The following CPEB2 variants were observed in gnomAD, a reference collection of about 807,000 sequenced individuals.
CPEB2 encodes the protein cytoplasmic polyadenylation element binding protein 2, also known as cytoplasmic polyadenylation element-binding protein 2.
A neutral mutation model predicts 93.6 loss-of-function variants in CPEB2; 56 were observed. That is an observed-to-expected ratio of 0.60 (90% CI 0.48 to 0.75). The LOEUF (loss-of-function observed/expected upper bound fraction) is 0.75. Among genes scored for constraint, CPEB2 ranks in the 30% least tolerant of loss-of-function variants. CPEB2 has a pLI of 0.00. For synonymous variants in CPEB2, 764 were observed against 586.3 expected (o/e 1.30, Z -4.38); for missense variants, 1,579 against 1,395.1 (o/e 1.13, Z -2.10).
rs757980816 is a variant in CPEB2, at chr4:15,003,057, C to A, written c.384C>A (p.Ile128=). Residue 128 remains isoleucine, a synonymous_variant, in exon 1 of 12, where the codon ATC becomes ATA. Transcript: ENST00000538197. Reference sequence around the variant, plus strand: ...ACCACCACCCCGGCGGCGGCACGATCGCGGGTGTGACCCACCTCCTCCCCT... The same window carrying A: ...ACCACCACCCCGGCGGCGGCACGATAGCGGGTGTGACCCACCTCCTCCCCT... ...LPDHHPGGGT[I]AGVTHLLPSQ... is the part of the protein sequence containing the mutation. The A allele has an allele frequency of 1.2e-4, 182 of 1,520,056 alleles. No individual in the cohort carries two copies. In the African/African-American group the frequency reaches 1.6e-3, roughly 13 times the overall value. 94.2% of individuals were successfully genotyped at this position (1,520,056 alleles called of 1,614,324 possible).
At chr4:15,041,407 T>C (rs1267336946) in intron 6 of CPEB2, among the ~76,000 whole-genome samples, 5 of 113,084 alleles carry the variant, frequency 4.4e-5, no homozygotes, top group Non-Finnish European at 8.3e-5. Context: ...TTTGATCACT[T>C]TTTTTTTTTT....
At chr4:15,042,594 G>A (rs1727294789) in intron 6 of CPEB2, among the ~76,000 whole-genome samples, 1 of 152,178 alleles carries the variant, frequency 6.6e-6, no homozygotes, top group South Asian at 2.1e-4. Flanking sequence ...TATGGCCTTA[G>A]TAAATTATGA....
intron 5 of CPEB2, among the ~76,000 whole-genome samples, chr4:15,037,028 C>T (rs990205191): frequency 1.3e-5 from 2 of 151,962 alleles, no homozygotes; most frequent in African/African-American, 2.4e-5. Context: ...AGGGCCCGGG[C>T]GCAATGGCTC....
chr4:15,003,416 A>C lies in CPEB2; in HGVS notation c.743A>C (p.Asp248Ala). The change falls in exon 1 of 12, where the codon GAC becomes GCC. Residue 248 changes from aspartate (D) to alanine (A), a missense_variant. Coordinates refer to ENST00000538197, the MANE Select transcript of CPEB2 (RefSeq NM_001177382.2). Reference sequence around the variant, plus strand: ...CATCAGCAGCACCTCTCGCCGCAGGACTTCGCCCCGCGGCAGCGTCCGGCA... The same window carrying C: ...CATCAGCAGCACCTCTCGCCGCAGGCCTTCGCCCCGCGGCAGCGTCCGGCA... ...LLHQQHLSPQ[D>A]FAPRQRPADL... 1 of 1,358,638 alleles carries C rather than the reference A, an allele frequency of 7.4e-7. No homozygotes were observed. Among genetic ancestry groups the C allele is most frequent in the Non-Finnish European group, 9.4e-7 (1 of 1,066,164 alleles). 84.2% of individuals were successfully genotyped at this position (1,358,638 alleles called of 1,614,324 possible). A position where few individuals can be genotyped will look rare whatever the true frequency, so the allele number is the denominator to read the frequency against.
Position 15,019,954 on chromosome 4 carries a change from TAGC to T in CPEB2, c.2125+2679_2125+2681del, listed in dbSNP as rs1311548292. ...TTCTGGCTAAGGATATCTCATGAAGTAGCAGTCAACATACTGGCTGAGGCTGCA... is the reference window on the plus strand; with the variant it reads ...TTCTGGCTAAGGATATCTCATGAAGTAGTCAACATACTGGCTGAGGCTGCA... On this transcript the variant is annotated intron_variant, in intron 4 of 11. Coordinates refer to ENST00000538197, the MANE Select transcript of CPEB2 (RefSeq NM_001177382.2). Among the ~76,000 whole-genome samples the T allele has an allele frequency of 1.1e-4, 16 of 152,162 alleles. No homozygotes were observed. In the East Asian group the frequency reaches 3.1e-3, roughly 29 times the overall value.
chr4:15,042,550 G>T (rs1158716332), intron 6 of CPEB2, among the ~76,000 whole-genome samples: 1 of 152,156 alleles, frequency 6.6e-6, no homozygotes, highest in African/African-American at 2.4e-5. Flanking sequence ...TTAGCATAAG[G>T]GGGAGTGAAT....
intron 4 of CPEB2, among the ~76,000 whole-genome samples, chr4:15,024,886 C>T (rs1221756081): frequency 2.0e-5 from 3 of 151,790 alleles, no homozygotes; most frequent in African/African-American, 7.3e-5. Context: ...GCTGGGATTA[C>T]AGGTGTCCAC....
chr4:15,068,481 T>C lies in CPEB2; in HGVS notation c.*2101T>C, dbSNP rs1729867770. ...ACTATTTTTATATCTCTGTGAGAGATTTTTCCAACAGTCAGCTATTTTATG... is the reference window on the plus strand; with the variant it reads ...ACTATTTTTATATCTCTGTGAGAGACTTTTCCAACAGTCAGCTATTTTATG... On this transcript the variant is annotated 3_prime_UTR_variant, in exon 12 of 12. Transcript: ENST00000538197. 1 of 152,270 alleles carries C rather than the reference T, an allele frequency of 6.6e-6. No individual in the cohort carries two copies. The highest frequency in any genetic ancestry group is 1.9e-4 in the East Asian group (1 of 5,174). The allele number at this position is 152,270 out of a possible 1,614,324, so 9.4% of individuals were successfully genotyped here.
At chr4:15,009,950 A>T (rs1446750385) in intron 3 of CPEB2, among the ~76,000 whole-genome samples, 4 of 152,136 alleles carry the variant, frequency 2.6e-5, no homozygotes, top group Admixed American at 2.0e-4. Flanking sequence ...ATAACCTAAG[A>T]TTTTAGGGAA....
chr4:15,047,357 G>A (rs1192026435), intron 6 of CPEB2, among the ~76,000 whole-genome samples: 1 of 152,116 alleles, frequency 6.6e-6, no homozygotes, highest in African/African-American at 2.4e-5. Flanking sequence ...CTGTAGATTG[G>A]ATAATTTGGA....
At chr4:15,054,341 C>A (rs1728521166) in intron 8 of CPEB2, 124 bp downstream of exon 8, 1 of 701,876 alleles carries the variant, frequency 1.4e-6, no homozygotes, top group East Asian at 2.7e-5. Flanking sequence ...ATTTCATAGA[C>A]TCAGATCAAC....
chr4:15,005,263 TAAGAC>T (rs1314980839), intron 1 of CPEB2: 1 of 152,288 alleles, frequency 6.6e-6, no homozygotes, highest in African/African-American at 2.4e-5. Flanking sequence ...TTGTGGGTTT[TAAGAC>T]AAAACTGAAC....
At chr4:15,029,424 A>C (rs920254101) in intron 4 of CPEB2, among the ~76,000 whole-genome samples, 1 of 152,124 alleles carries the variant, frequency 6.6e-6, no homozygotes, top group African/African-American at 2.4e-5. Flanking sequence ...ACTGATACCC[A>C]AAAATACATA....
At chr4:15,012,295 C>G (rs936072531) in intron 3 of CPEB2, among the ~76,000 whole-genome samples, 8 of 152,100 alleles carry the variant, frequency 5.3e-5, no homozygotes, top group African/African-American at 1.9e-4. Context: ...TTCCACTTGT[C>G]TATTTTAATT....
At chr4:15,044,590 A>G (rs914308053) in intron 6 of CPEB2, among the ~76,000 whole-genome samples, 9 of 152,220 alleles carry the variant, frequency 5.9e-5, no homozygotes, top group African/African-American at 1.9e-4. Context: ...AACCTATTGG[A>G]GCAAAACATT....
At chr4:15,061,187 G>C (rs905024451) in intron 10 of CPEB2, among the ~76,000 whole-genome samples, 4 of 152,118 alleles carry the variant, frequency 2.6e-5, no homozygotes, top group African/African-American at 7.2e-5. Context: ...CCACACTAGA[G>C]ATAAAAATGT....
intron 3 of CPEB2, among the ~76,000 whole-genome samples, chr4:15,010,243 G>A (rs947667465): frequency 3.9e-5 from 6 of 152,102 alleles, no homozygotes; most frequent in African/African-American, 1.2e-4. Context: ...CTGTAAAAGG[G>A]GGACCTTGAA....
intron 6 of CPEB2, among the ~76,000 whole-genome samples, chr4:15,049,048 A>T (rs1271236996): frequency 6.6e-6 from 1 of 151,994 alleles, no homozygotes; most frequent in Non-Finnish European, 1.5e-5. Flanking sequence ...CCAACAGTGA[A>T]GATTCTTGTT....
chr4:15,023,577 C>T (rs186215062), intron 4 of CPEB2, among the ~76,000 whole-genome samples: 116 of 152,008 alleles, frequency 7.6e-4, no homozygotes, highest in Non-Finnish European at 1.0e-3. Context: ...TAAATCTTTG[C>T]CTTCCATCCA....
Sources: gnomAD v4.1 joint callset for allele counts (sites outside exome capture counted in the v4.1 genomes callset) on GRCh38, gnomAD v4.1.1 for gene constraint, MANE v1.5 for transcripts, NCBI Gene and HGNC (gene_info 2026-07-23, HGNC 2026-07-21) for gene names.